The following EIF4H variants were observed in gnomAD, a reference collection of about 807,000 sequenced individuals.
EIF4H encodes the protein eukaryotic translation initiation factor 4H.
A neutral mutation model predicts 30.6 loss-of-function variants in EIF4H; 8 were observed. The ratio of observed to expected loss-of-function variants is 0.26; its 90% CI spans 0.15 to 0.47. EIF4H has a LOEUF of 0.47. EIF4H is among the 20% of genes least tolerant of loss of function. EIF4H has a pLI of 0.99. For synonymous variants in EIF4H, 106 were observed against 122.7 expected, an observed-to-expected ratio of 0.86 and a Z score of 0.90; for missense variants, 188 against 339.5, an observed-to-expected ratio of 0.55 and a Z score of 3.51.
intron 5 of EIF4H, 107 bp downstream of exon 5, chr7:74,190,413 T>A: frequency 8.9e-7 from 1 of 1,119,300 alleles, no homozygotes; most frequent in Admixed American, 1.9e-5. Flanking sequence ...TTAGTTCCTT[T>A]AACAAATACA....
chr7:74,194,972 C>CAA (rs1330907652), intron 6 of EIF4H, 94 bp downstream of exon 6: 11 of 1,514,188 alleles, frequency 7.3e-6, no homozygotes, highest in Non-Finnish European at 9.8e-6. Flanking sequence ...CTACGGCACA[C>CAA]AGAGTTGTCG....
chr7:74,174,381 C>G lies in EIF4H; in HGVS notation c.-3C>G, dbSNP rs782513673. On this transcript the variant is annotated 5_prime_UTR_variant, in exon 1 of 7. Transcript: ENST00000265753. ...CTGGTTCCTCTCGGAGCGGAGACGG[C>G]AAATGGCGGACTTCGACACCTACGA... is the stretch of plus-strand genomic sequence containing the variant. The G allele has an allele frequency of 4.1e-6, 6 of 1,457,302 alleles. No individual in the cohort carries two copies. The highest frequency in any genetic ancestry group is 2.9e-5 in the East Asian group (1 of 34,328). The allele number at this position is 1,457,302 out of a possible 1,614,324, so 90.3% of individuals were successfully genotyped here. A position where few individuals can be genotyped will look rare whatever the true frequency, so the allele number is the denominator to read the frequency against.
At chr7:74,174,555 G>C (rs896041547) in intron 1 of EIF4H, 113 bp downstream of exon 1, 1 of 1,022,988 alleles carries the variant, frequency 9.8e-7, no homozygotes. Context: ...GGGGGCCCGC[G>C]GAGGCCTAGG....
chr7:74,195,267 G>A lies in EIF4H; in HGVS notation c.706G>A (p.Ala236Thr). Residue 236 changes from alanine to threonine, a missense_variant, in exon 7 of 7, where the codon GCC (alanine) becomes ACC (threonine). This residue lies in a region of EIF4H where 17 missense variants were observed against 66.4 expected (regional missense o/e 0.26). Coordinates refer to ENST00000265753, the MANE Select transcript of EIF4H (RefSeq NM_022170.2). ...ANPNSAIFGGARPREEVVQKE... is the reference protein window; with the variant it reads ...ANPNSAIFGGTRPREEVVQKE... ...TCCCAACTCTGCTATCTTCGGGGGT[G>A]CCAGGCCTAGAGAGGAAGTCGTTCA... is the stretch of plus-strand genomic sequence containing the variant. The A allele has an allele frequency of 6.2e-7, 1 of 1,613,938 alleles. No homozygotes were observed. Among genetic ancestry groups the A allele is most frequent in the Non-Finnish European group, 8.5e-7 (1 of 1,179,858 alleles).
chr7:74,193,416 A>C (rs1554710256), intron 5 of EIF4H, among the ~76,000 whole-genome samples: 4 of 152,226 alleles, frequency 2.6e-5, no homozygotes, highest in African/African-American at 7.2e-5. Flanking sequence ...TGGATTTGCA[A>C]ATATGGGATC....
At chr7:74,189,983 T>G (rs782008748) in intron 4 of EIF4H, 65 bp downstream of exon 4, 59 of 1,558,468 alleles carry the variant, frequency 3.8e-5, no homozygotes, top group Non-Finnish European at 4.6e-5. Flanking sequence ...TTCCAACTCG[T>G]GAACGTTCCT....
In EIF4H at chr7:74,186,024, C is replaced by G. The variant is rs540854092; in HGVS notation, c.60-1587C>G. ...GAAATAATGGTACAGTTGGATGACG[C>G]TAGTGGATGCAGAAGTGACTATTCT... On this transcript the variant is annotated intron_variant, in intron 1 of 6. Transcript: ENST00000265753. Among the ~76,000 whole-genome samples the G allele has an allele frequency of 9.2e-5, 14 of 152,100 alleles. 1 individual carries two copies. The South Asian group carries it at 2.7e-3, about 29-fold the overall frequency.
rs1355469633 is a variant in EIF4H at position 74,195,649 on chromosome 7, G to A, written c.*341G>A. ...CGCCGTGGGGGGGCGTTTGGGCTGC[G>A]GTGCTGCGTCATTTTTCCTTTGCTT... On this transcript the variant is annotated 3_prime_UTR_variant, in exon 7 of 7. Transcript: ENST00000265753. 8.5e-5 allele frequency: 18 copies of A among 211,050 alleles called. No homozygotes were observed. Among genetic ancestry groups the A allele is most frequent in the Non-Finnish European group, 1.5e-4 (16 of 104,842 alleles). 13.1% of individuals were successfully genotyped at this position (211,050 alleles called of 1,614,324 possible).
chr7:74,186,665 C>T (rs1801085714), intron 1 of EIF4H, among the ~76,000 whole-genome samples: 1 of 151,964 alleles, frequency 6.6e-6, no homozygotes, highest in African/African-American at 2.4e-5. Context: ...GCACGCCATA[C>T]GCATGTATTT....
chr7:74,190,343 T>C (rs1801176883), intron 5 of EIF4H, 37 bp downstream of exon 5: 1 of 1,600,034 alleles, frequency 6.2e-7, no homozygotes. Flanking sequence ...TAATTTTTCC[T>C]AGGAGCCTTG....
chr7:74,191,467 A>G (rs542908864), intron 5 of EIF4H, among the ~76,000 whole-genome samples: 60 of 152,252 alleles, frequency 3.9e-4, no homozygotes, highest in Non-Finnish European at 6.9e-4. Flanking sequence ...CCTGGCCGCC[A>G]CCAGTTCTGG....
intron 4 of EIF4H, 44 bp from the exon 5 acceptor site, chr7:74,190,203 G>C (rs1554709709): frequency 1.3e-6 from 2 of 1,587,034 alleles, no homozygotes; most frequent in African/African-American, 2.7e-5. Flanking sequence ...TGCGCAGCAA[G>C]GTAATGACAC....
chr7:74,176,478 C>G (rs145517900), intron 1 of EIF4H, among the ~76,000 whole-genome samples: 221 of 152,318 alleles, frequency 1.5e-3, no homozygotes, highest in Non-Finnish European at 2.3e-3. Flanking sequence ...AGATTGCCAC[C>G]TATGGAAAGC....
chr7:74,193,918 C>T (rs1554710342), intron 5 of EIF4H, among the ~76,000 whole-genome samples: 1 of 152,142 alleles, frequency 6.6e-6, no homozygotes, highest in Non-Finnish European at 1.5e-5. Context: ...ATTTTAACAT[C>T]AGTAGGTTAT....
chr7:74,181,136 C>T (rs980535774), intron 1 of EIF4H, among the ~76,000 whole-genome samples: 1 of 152,156 alleles, frequency 6.6e-6, no homozygotes, highest in African/African-American at 2.4e-5. Flanking sequence ...ATAATCCAAA[C>T]AGAAACTCTA....
rs1334457500 is a variant in EIF4H at position 74,195,885 on chromosome 7, A to G, written c.*577A>G. On this transcript the variant is annotated 3_prime_UTR_variant, in exon 7 of 7. Coordinates refer to ENST00000265753, the MANE Select transcript of EIF4H (RefSeq NM_022170.2). ...CCTTGTTTTCACAACTAGGATAAAA[A>G]TATCTGCAGGGTCCTTTCCATTCCT... is the stretch of plus-strand genomic sequence containing the variant. The G allele has an allele frequency of 6.5e-6, 1 of 154,370 alleles. No individual in the cohort carries two copies. Among genetic ancestry groups the G allele is most frequent in the Non-Finnish European group, 1.5e-5 (1 of 68,092 alleles). 9.6% of individuals were successfully genotyped at this position (154,370 alleles called of 1,614,324 possible).
chr7:74,193,431 G>A (rs964919050), intron 5 of EIF4H, among the ~76,000 whole-genome samples: 3 of 152,102 alleles, frequency 2.0e-5, no homozygotes, highest in Non-Finnish European at 2.9e-5. Flanking sequence ...GGGATCTGTG[G>A]ATAATGAGGA....
intron 1 of EIF4H, among the ~76,000 whole-genome samples, chr7:74,180,320 G>A (rs1554708229): frequency 2.0e-5 from 3 of 152,222 alleles, no homozygotes; most frequent in Non-Finnish European, 4.4e-5. Context: ...AGCTAGTTCA[G>A]CTTGTAGCTC....
intron 6 of EIF4H, 136 bp downstream of exon 6, chr7:74,195,014 G>A: frequency 6.7e-7 from 1 of 1,501,838 alleles, no homozygotes. Flanking sequence ...GGAATAGCAA[G>A]TTCACCTTGG....
Sources: gnomAD v4.1 joint callset for allele counts (sites outside exome capture counted in the v4.1 genomes callset) on GRCh38, gnomAD v4.1.1 for gene constraint, gnomAD v4.1.1 regional missense constraint, MANE v1.5 for transcripts, NCBI Gene and HGNC (gene_info 2026-07-23, HGNC 2026-07-21) for gene names.